Variants in ARHGAP15 observed in about 807,000 individuals in gnomAD.
ARHGAP15 encodes rho GTPase-activating protein 15.
Under a neutral mutation model 63.7 loss-of-function variants are expected in ARHGAP15, and 51 were observed. The ratio of observed to expected loss-of-function variants is 0.80; its 90% CI spans 0.64 to 1.01. The LOEUF (loss-of-function observed/expected upper bound fraction) is 1.01, where lower values mean the gene tolerates loss of function less well. Among genes scored for constraint, ARHGAP15 ranks in the 50% least tolerant of loss-of-function variants. The probability of loss-of-function intolerance (pLI) is 0.00; values close to 1 mark genes in which losing one functional copy is unlikely to be tolerated. For missense variants in ARHGAP15, 560 were observed against 564.6 expected (o/e 0.99, Z 0.08); for synonymous variants, 191 against 193.8 (o/e 0.99, Z 0.12).
At chr2:143,293,230 A>G (rs1682487506) in intron 6 of ARHGAP15, among the ~76,000 whole-genome samples, 1 of 152,056 alleles carries the variant, frequency 6.6e-6, no homozygotes, top group Non-Finnish European at 1.5e-5. Context: ...CCACCCAATA[A>G]GCATTCACTG....
intron 5 of ARHGAP15, among the ~76,000 whole-genome samples, chr2:143,234,022 T>C (rs1693546800): frequency 6.6e-6 from 1 of 152,156 alleles, no homozygotes; most frequent in Non-Finnish European, 1.5e-5. Flanking sequence ...TAAACCCATG[T>C]TAAATTTCTC....
intron 6 of ARHGAP15, among the ~76,000 whole-genome samples, chr2:143,432,597 T>C (rs189160736): frequency 1.3e-5 from 2 of 152,162 alleles, no homozygotes; most frequent in East Asian, 3.9e-4. Flanking sequence ...CCCAAAAGCC[T>C]TAAGGAATGT....
intron 6 of ARHGAP15, among the ~76,000 whole-genome samples, chr2:143,345,691 G>T (rs1351676972): frequency 6.6e-6 from 1 of 151,910 alleles, no homozygotes; most frequent in Non-Finnish European, 1.5e-5. Flanking sequence ...ATTTATAATT[G>T]TTATTCAGTG....
chr2:143,762,462 G>A (rs1559165418), intron 13 of ARHGAP15, among the ~76,000 whole-genome samples: 1 of 152,150 alleles, frequency 6.6e-6, no homozygotes, highest in Non-Finnish European at 1.5e-5. Context: ...CTACCAGAGG[G>A]GTGGAACTAG....
At chr2:143,311,286 C>CT (rs200487179) in intron 6 of ARHGAP15, among the ~76,000 whole-genome samples, 8,245 of 145,806 alleles carry the variant, frequency 0.057, 317 homozygotes, top group African/African-American at 0.11. Flanking sequence ...CTTCCCCTCC[C>CT]TTTTTTTTTT....
intron 6 of ARHGAP15, among the ~76,000 whole-genome samples, chr2:143,328,215 C>T (rs1412915363): frequency 6.6e-6 from 1 of 152,100 alleles, no homozygotes; most frequent in East Asian, 1.9e-4. Context: ...ACCAGAAATA[C>T]CATTTGACCT....
chr2:143,413,966 T>TGTGTGCGCGCGCGC, intron 6 of ARHGAP15, among the ~76,000 whole-genome samples: 8,825 of 117,588 alleles, frequency 0.075, 364 homozygotes, highest in Middle Eastern at 0.11. Flanking sequence ...TGTGTGTGTG[T>TGTGTGCGCGCGCGC]GCGCGCTCTC....
intron 10 of ARHGAP15, among the ~76,000 whole-genome samples, chr2:143,524,536 G>A (rs1027588991): frequency 3.3e-5 from 5 of 152,098 alleles, no homozygotes; most frequent in African/African-American, 1.2e-4. Flanking sequence ...TGAACAATTA[G>A]TTATCTTTGG....
At chr2:143,459,009 A>T (rs756939432) in intron 8 of ARHGAP15, among the ~76,000 whole-genome samples, 1 of 152,162 alleles carries the variant, frequency 6.6e-6, no homozygotes, top group African/African-American at 2.4e-5. Flanking sequence ...CATGCTCTCA[A>T]AAGGCATATT....
At chr2:143,584,281 C>T (rs1465225578) in intron 11 of ARHGAP15, among the ~76,000 whole-genome samples, 1 of 152,106 alleles carries the variant, frequency 6.6e-6, no homozygotes, top group Admixed American at 6.6e-5. Context: ...AAACTCTAGA[C>T]GAGAATAGCC....
chr2:143,213,772 G>A (rs1205565773), intron 3 of ARHGAP15, among the ~76,000 whole-genome samples: 2 of 152,152 alleles, frequency 1.3e-5, no homozygotes, highest in African/African-American at 2.4e-5. Flanking sequence ...TATTCAGTCC[G>A]TCCTCATTTT....
intron 11 of ARHGAP15, among the ~76,000 whole-genome samples, chr2:143,566,843 G>A (rs533871633): frequency 1.5e-4 from 23 of 151,050 alleles, no homozygotes; most frequent in South Asian, 6.3e-4. Context: ...TCCCAGTATC[G>A]TGTTTTCCTT....
At chr2:143,660,382 C>T (rs1681695449) in intron 12 of ARHGAP15, among the ~76,000 whole-genome samples, 1 of 152,136 alleles carries the variant, frequency 6.6e-6, no homozygotes, top group Non-Finnish European at 1.5e-5. Flanking sequence ...AAGCAGATAC[C>T]AACGTTCCAT....
chr2:143,726,140 A>G (rs1294490269), intron 13 of ARHGAP15, among the ~76,000 whole-genome samples: 2 of 152,244 alleles, frequency 1.3e-5, no homozygotes, highest in East Asian at 1.9e-4. Context: ...GTGCATGATT[A>G]GCACTGTGAC....
chr2:143,355,191 GT>G (rs1375987123), intron 6 of ARHGAP15, among the ~76,000 whole-genome samples: 1 of 152,102 alleles, frequency 6.6e-6, no homozygotes, highest in Non-Finnish European at 1.5e-5. Context: ...TTATATAAAA[GT>G]TTGAAATTAG....
At chr2:143,479,705 T>G (rs1691984482) in intron 8 of ARHGAP15, among the ~76,000 whole-genome samples, 1 of 152,106 alleles carries the variant, frequency 6.6e-6, no homozygotes, top group Non-Finnish European at 1.5e-5. Context: ...AATAGAAGAA[T>G]GTCTAAATGA....
chr2:143,508,035 C>A (rs1255426429), intron 9 of ARHGAP15, among the ~76,000 whole-genome samples: 1 of 151,078 alleles, frequency 6.6e-6, no homozygotes, highest in African/African-American at 2.5e-5. Flanking sequence ...ATGTCACCCC[C>A]CCCTCCTCCA....
At chr2:143,681,051 A>G (rs1282843799) in intron 12 of ARHGAP15, among the ~76,000 whole-genome samples, 1 of 152,212 alleles carries the variant, frequency 6.6e-6, no homozygotes, top group East Asian at 1.9e-4. Flanking sequence ...ACTTGGCATT[A>G]TCCCTTGAAA....
chr2:143,673,489 G>A (rs1020171660), intron 12 of ARHGAP15, among the ~76,000 whole-genome samples: 4 of 151,454 alleles, frequency 2.6e-5, no homozygotes, highest in Non-Finnish European at 5.9e-5. Flanking sequence ...GTAGAGACAG[G>A]GTTTCATCAT....
Sources: allele counts gnomAD v4.1 joint callset (sites outside exome capture counted in the v4.1 genomes callset), GRCh38; gene constraint gnomAD v4.1.1; transcripts MANE v1.5; gene names NCBI Gene and HGNC (gene_info 2026-07-23, HGNC 2026-07-21).